CLPB: variants seen among roughly 807,000 people sequenced by gnomAD.
CLPB encodes the protein ClpB family mitochondrial disaggregase, also known as mitochondrial disaggregase.
A neutral mutation model predicts 78.4 loss-of-function variants in CLPB; 40 were observed. That is an observed-to-expected ratio of 0.51 (90% confidence interval 0.40 to 0.66). The LOEUF (loss-of-function observed/expected upper bound fraction) is 0.66. Among genes scored for constraint, CLPB ranks in the 30% least tolerant of loss-of-function variants. CLPB has a pLI of 0.00. For synonymous variants in CLPB, 333 were observed against 348.0 expected, an observed-to-expected ratio of 0.96 and a Z score of 0.48; for missense variants, 780 against 886.9, an observed-to-expected ratio of 0.88 and a Z score of 1.53.
At position 72,353,920 on chromosome 11, in the gene CLPB, G is replaced by A. The variant is rs140906353; in HGVS notation, c.775+4960C>T. On this transcript the variant is annotated intron_variant, in intron 5 of 15. Coordinates refer to ENST00000538039, the MANE Select transcript of CLPB (RefSeq NM_001258392.3). ...ACTCTAAAACCAGTTAAAAGCATTAGTATGGTTAGAATTTTTTTTTAAACG... is the reference window on the plus strand; with the variant it reads ...ACTCTAAAACCAGTTAAAAGCATTAATATGGTTAGAATTTTTTTTTAAACG... Among the ~76,000 whole-genome samples the A allele has an allele frequency of 2.6e-3, 397 of 150,378 alleles. 2 individuals carry two copies. Among genetic ancestry groups the A allele is most frequent in the African/African-American group, 9.4e-3 (378 of 40,202 alleles).
At chr11:72,351,963 G>A (rs1399187847) in intron 5 of CLPB, among the ~76,000 whole-genome samples, 1 of 151,946 alleles carries the variant, frequency 6.6e-6, no homozygotes, top group Non-Finnish European at 1.5e-5. Context: ...TTCACAAAAC[G>A]GACACACCCA....
chr11:72,397,855 T>C (rs1855453838), intron 3 of CLPB, among the ~76,000 whole-genome samples: 1 of 152,232 alleles, frequency 6.6e-6, no homozygotes, highest in South Asian at 2.1e-4. Context: ...ACATATACTC[T>C]AATTAAGGGA....
chr11:72,338,934 C>T (rs1950369919), intron 5 of CLPB, among the ~76,000 whole-genome samples: 1 of 152,160 alleles, frequency 6.6e-6, no homozygotes, highest in South Asian at 2.1e-4. Context: ...ATCCTGTGGT[C>T]ACAATGGAGA....
chr11:72,390,163 C>T (rs555208803), intron 3 of CLPB, among the ~76,000 whole-genome samples: 27 of 152,138 alleles, frequency 1.8e-4, no homozygotes, highest in African/African-American at 5.3e-4. Context: ...ACATGCCAGG[C>T]GCAGTGGCTC....
intron 7 of CLPB, among the ~76,000 whole-genome samples, chr11:72,313,989 C>A (rs760904395): frequency 8.5e-5 from 13 of 152,140 alleles, no homozygotes; most frequent in Admixed American, 3.3e-4. Context: ...CACTACAACT[C>A]CACAACCCAG....
In CLPB at chr11:72,420,978, G is replaced by A. The variant is rs377338295; in HGVS notation, c.455+9334C>T. Among the ~76,000 whole-genome samples the A allele has an allele frequency of 1.9e-4, 29 of 152,322 alleles. No individual in the cohort carries two copies. The South Asian group carries it at 5.2e-3, about 27-fold the overall frequency. On this transcript the variant is annotated intron_variant, in intron 2 of 15. Transcript: ENST00000538039. ...AGTTCGGGACCAGCCTGGCCAACAT[G>A]GAGAAACCCCATATGTACTAAAAAT...
In CLPB at chr11:72,432,396, G is replaced by A. The variant is rs557859633; in HGVS notation, c.403+1676C>T. 1.1e-4 allele frequency among the ~76,000 whole-genome samples: 16 copies of A among 152,172 alleles called. No individual in the cohort carries two copies. The South Asian group carries it at 1.5e-3, about 14-fold the overall frequency. The stretch of plus-strand genomic sequence containing the variant: ...GGCTCAAAAGATCACTCCCCTTTCC[G>A]TTTCTACTTCATCCTTCAGAACTCA... On this transcript the variant is annotated intron_variant, in intron 1 of 15. Transcript: ENST00000538039.
intron 7 of CLPB, among the ~76,000 whole-genome samples, chr11:72,314,073 A>G (rs1199140784): frequency 1.3e-5 from 2 of 152,178 alleles, no homozygotes; most frequent in African/African-American, 4.8e-5. Flanking sequence ...TGGGAAGATT[A>G]TGTTTTTGGG....
chr11:72,354,679 A>G (rs1471478778), intron 5 of CLPB: 2 of 246,894 alleles, frequency 8.1e-6, no homozygotes, highest in Non-Finnish European at 7.7e-6. Flanking sequence ...CACAGGCAAA[A>G]GCAGCATCTT....
chr11:72,302,214 G>T, intron 10 of CLPB, 90 bp downstream of exon 10: 2 of 1,361,962 alleles, frequency 1.5e-6, no homozygotes, highest in Non-Finnish European at 2.1e-6. Flanking sequence ...AAGGCTGCTG[G>T]AATTATCTGA....
At chr11:72,417,979 A>G (rs1856074002) in intron 2 of CLPB, among the ~76,000 whole-genome samples, 1 of 152,200 alleles carries the variant, frequency 6.6e-6, no homozygotes, top group African/African-American at 2.4e-5. Context: ...CAGGCTTCGC[A>G]GGAGGCCTGG....
chr11:72,375,982 C>T (rs1240657152), intron 4 of CLPB, among the ~76,000 whole-genome samples: 1 of 152,138 alleles, frequency 6.6e-6, no homozygotes, highest in African/African-American at 2.4e-5. Flanking sequence ...TTCCAAGGGC[C>T]ACAGAAATAT....
chr11:72,293,672 G>A lies in CLPB; in HGVS notation c.1786-57C>T, dbSNP rs184333064. ...TCGGCCTGGACCCAGCTTGGAGGTC[G>A]GCCTCCATCACTTACTGCTAGGGCA... On this transcript the variant is annotated intron_variant, in intron 15 of 15. Coordinates refer to ENST00000538039, the MANE Select transcript of CLPB (RefSeq NM_001258392.3). 423 of 1,557,422 alleles carry A rather than the reference G, an allele frequency of 2.7e-4. 3 individuals are homozygous for A. The East Asian group carries it at 8.8e-3, about 33-fold the overall frequency.
chr11:72,342,171 G>C (rs1950432277), intron 5 of CLPB, among the ~76,000 whole-genome samples: 1 of 152,216 alleles, frequency 6.6e-6, no homozygotes. Context: ...TTGAGGATGA[G>C]AGATGTCTAC....
In CLPB at chr11:72,434,519, G is replaced by A; in HGVS notation, c.-45C>T. The A allele has an allele frequency of 6.6e-7, 1 of 1,511,350 alleles. No homozygotes were observed. The highest frequency in any genetic ancestry group is 8.8e-7 in the Non-Finnish European group (1 of 1,130,506). The allele number at this position is 1,511,350 out of a possible 1,614,324, so 93.6% of individuals were successfully genotyped here. The stretch of plus-strand genomic sequence containing the variant: ...ACCCCGTGGTGCCGGCCCCTGTGCT[G>A]ACCACGTCCAACATGGCTGCCGCGG... On this transcript the variant is annotated 5_prime_UTR_variant, in exon 1 of 16. Coordinates refer to ENST00000538039, the MANE Select transcript of CLPB (RefSeq NM_001258392.3).
chr11:72,308,425 G>T, intron 8 of CLPB, 102 bp downstream of exon 8: 1 of 956,486 alleles, frequency 1.0e-6, no homozygotes, highest in Non-Finnish European at 1.7e-6. Context: ...TTGACCTAGA[G>T]CTGGACCTGC....
intron 9 of CLPB, among the ~76,000 whole-genome samples, chr11:72,306,861 C>T (rs1351648053): frequency 1.3e-5 from 2 of 152,196 alleles, no homozygotes; most frequent in African/African-American, 2.4e-5. Context: ...TTAATAAATG[C>T]TGTATTAGCA....
chr11:72,373,828 G>C (rs894982045), intron 4 of CLPB, among the ~76,000 whole-genome samples: 1 of 151,798 alleles, frequency 6.6e-6, no homozygotes, highest in Non-Finnish European at 1.5e-5. Context: ...GGGCGTGGTG[G>C]TGGCGCCAGT....
intron 11 of CLPB, among the ~76,000 whole-genome samples, chr11:72,300,439 G>A (rs1272329297): frequency 2.6e-5 from 4 of 152,212 alleles, no homozygotes; most frequent in Non-Finnish European, 5.9e-5. Flanking sequence ...AGGCTGGAAT[G>A]GAGTAGAGGC....
Sources: allele counts gnomAD v4.1 joint callset (sites outside exome capture counted in the v4.1 genomes callset), GRCh38; gene constraint gnomAD v4.1.1; transcripts MANE v1.5; gene names NCBI Gene and HGNC (gene_info 2026-07-23, HGNC 2026-07-21).